Variants in AUTS2 observed in about 807,000 individuals in gnomAD.
AUTS2 encodes activator of transcription and developmental regulator AUTS2.
A neutral mutation model predicts 112.4 loss-of-function variants in AUTS2; 17 were observed. The ratio of observed to expected loss-of-function variants is 0.15; its 90% CI spans 0.10 to 0.23. The LOEUF (loss-of-function observed/expected upper bound fraction) is 0.23. Among genes scored for constraint, AUTS2 ranks in the 10% least tolerant of loss-of-function variants. AUTS2 has a pLI of 1.00. For missense variants in AUTS2, 1,510 were observed against 1,701.6 expected (o/e 0.89, Z 1.98); for synonymous variants, 751 against 702.7 (o/e 1.07, Z -1.09).
chr7:70,418,276 C>T (rs1481077339), intron 4 of AUTS2, among the ~76,000 whole-genome samples: 1 of 152,030 alleles, frequency 6.6e-6, no homozygotes, highest in East Asian at 1.9e-4. Context: ...GCTAGACAAG[C>T]CTAAATAATA....
At chr7:70,568,733 C>T (rs1307451148) in intron 5 of AUTS2, among the ~76,000 whole-genome samples, 4 of 152,230 alleles carry the variant, frequency 2.6e-5, no homozygotes, top group African/African-American at 9.6e-5. Context: ...TCCATGTCCA[C>T]ATCCTTGGCA....
intron 1 of AUTS2, among the ~76,000 whole-genome samples, chr7:69,649,074 C>T (rs913278168): frequency 1.3e-5 from 2 of 152,146 alleles, no homozygotes; most frequent in African/African-American, 4.8e-5. Flanking sequence ...AGTCATTTTC[C>T]ATGGCATTTG....
At chr7:70,384,076 A>G (rs768084787) in intron 4 of AUTS2, among the ~76,000 whole-genome samples, 1 of 152,254 alleles carries the variant, frequency 6.6e-6, no homozygotes, top group Non-Finnish European at 1.5e-5. Context: ...TTTGCTTGTC[A>G]CTGGGAAGTG....
At chr7:70,711,126 AC>A (rs958520939) in intron 6 of AUTS2, among the ~76,000 whole-genome samples, 1 of 151,682 alleles carries the variant, frequency 6.6e-6, no homozygotes, top group African/African-American at 2.4e-5. Context: ...CCAGGGCCTC[AC>A]CCCCCCAGAG....
At position 70,134,572 on chromosome 7, in the gene AUTS2, G is replaced by T; in HGVS notation, c.660+1G>T. 1 of 1,613,444 alleles carries T rather than the reference G, an allele frequency of 6.2e-7. No homozygotes were observed. The highest frequency in any genetic ancestry group is 2.2e-5 in the East Asian group (1 of 44,816). On this transcript the variant is annotated splice_donor_variant, in intron 4 of 18. Transcript: ENST00000342771. LOFTEE classifies it high-confidence loss of function. ...TTCCAGCTTGGGAACAGGCTACTTC[G>T]TAAGTCTATCTCAACTTCCACATAT...
At position 69,844,264 on chromosome 7, in the gene AUTS2, A is replaced by T. The variant is rs570709869; in HGVS notation, c.310-55022A>T. Reference sequence around the variant, plus strand: ...ATGAAATAAGCCTTTCCTTTTTATTATATTGCTGGAGACAGTTTTCATTTT... The same window carrying T: ...ATGAAATAAGCCTTTCCTTTTTATTTTATTGCTGGAGACAGTTTTCATTTT... On this transcript the variant is annotated intron_variant, in intron 1 of 18. Transcript: ENST00000342771. 3.9e-5 allele frequency among the ~76,000 whole-genome samples: 6 copies of T among 152,288 alleles called. No homozygotes were observed. The East Asian group carries it at 1.2e-3, about 29-fold the overall frequency.
chr7:70,455,548 C>A (rs1373150640), intron 5 of AUTS2, among the ~76,000 whole-genome samples: 2 of 152,122 alleles, frequency 1.3e-5, no homozygotes, highest in Non-Finnish European at 2.9e-5. Context: ...GAGGTGGTTC[C>A]CTACCTGGCT....
chr7:70,103,748 A>T (rs1298354188), intron 2 of AUTS2, among the ~76,000 whole-genome samples: 1 of 151,806 alleles, frequency 6.6e-6, no homozygotes, highest in African/African-American at 2.4e-5. Flanking sequence ...TCTACTAAAG[A>T]TACAAAAAAA....
At chr7:70,325,070 T>C (rs890907408) in intron 4 of AUTS2, among the ~76,000 whole-genome samples, 1 of 152,154 alleles carries the variant, frequency 6.6e-6, no homozygotes, top group Non-Finnish European at 1.5e-5. Flanking sequence ...TTTGCCCTTA[T>C]TCCAGTGCTA....
intron 4 of AUTS2, among the ~76,000 whole-genome samples, chr7:70,355,686 G>A (rs894082363): frequency 4.6e-5 from 7 of 152,222 alleles, no homozygotes; most frequent in East Asian, 3.9e-4. Flanking sequence ...GCCCTCCACC[G>A]GGGATCTTTG....
chr7:70,749,909 A>G (rs1304408839), intron 6 of AUTS2, among the ~76,000 whole-genome samples: 2 of 152,174 alleles, frequency 1.3e-5, no homozygotes, highest in Non-Finnish European at 2.9e-5. Flanking sequence ...ATAAAGCTCT[A>G]AAGGAATAGA....
chr7:70,610,058 C>A lies in AUTS2; in HGVS notation c.691-88511C>A, dbSNP rs73445489. On this transcript the variant is annotated intron_variant, in intron 5 of 18. Transcript: ENST00000342771. ...TTAAGTTGGAGTGCAGTGGTGCGAT[C>A]TTGGCATCTTGGCTCACTGCAATCT... Among the ~76,000 whole-genome samples, 1,511 of 152,108 alleles carry A rather than the reference C, an allele frequency of 9.9e-3. 27 individuals carry two copies. The highest frequency in any genetic ancestry group is 0.035 in the African/African-American group (1,450 of 41,460).
intron 5 of AUTS2, among the ~76,000 whole-genome samples, chr7:70,486,074 T>A (rs1482610468): frequency 2.0e-5 from 3 of 152,160 alleles, no homozygotes; most frequent in Non-Finnish European, 2.9e-5. Context: ...ATAAACTGTT[T>A]TGCAAGGGTT....
At chr7:69,862,942 A>G (rs1475687916) in intron 1 of AUTS2, among the ~76,000 whole-genome samples, 1 of 152,134 alleles carries the variant, frequency 6.6e-6, no homozygotes, top group Non-Finnish European at 1.5e-5. Flanking sequence ...TGCTTGGAAA[A>G]ATGCCTCCTG....
At chr7:70,717,095 G>A (rs1585562191) in intron 6 of AUTS2, among the ~76,000 whole-genome samples, 1 of 151,014 alleles carries the variant, frequency 6.6e-6, no homozygotes, top group Non-Finnish European at 1.5e-5. Context: ...GCAGTGGCAC[G>A]GTCATAGCTT....
intron 4 of AUTS2, among the ~76,000 whole-genome samples, chr7:70,204,660 C>T (rs369949395): frequency 2.6e-5 from 4 of 152,104 alleles, no homozygotes; most frequent in African/African-American, 4.8e-5. Context: ...TTTTCCCCCA[C>T]TGTAATGCAT....
chr7:70,579,083 C>T (rs1222310287), intron 5 of AUTS2, among the ~76,000 whole-genome samples: 1 of 150,636 alleles, frequency 6.6e-6, no homozygotes, highest in Non-Finnish European at 1.5e-5. Context: ...CACATGCCAC[C>T]ACACCTGGCT....
chr7:70,772,476 G>C (rs961948799), intron 11 of AUTS2, among the ~76,000 whole-genome samples: 1 of 152,160 alleles, frequency 6.6e-6, no homozygotes, highest in Non-Finnish European at 1.5e-5. Flanking sequence ...TTTCATGTGG[G>C]TAACCATTCT....
At chr7:70,448,929 C>A (rs920917132) in intron 5 of AUTS2, among the ~76,000 whole-genome samples, 1 of 152,178 alleles carries the variant, frequency 6.6e-6, no homozygotes, top group African/African-American at 2.4e-5. Context: ...TCCACCCTTC[C>A]GTATGAAGAG....
Sources: allele counts gnomAD v4.1 joint callset (sites outside exome capture counted in the v4.1 genomes callset), GRCh38; gene constraint gnomAD v4.1.1; transcripts MANE v1.5; gene names NCBI Gene and HGNC (gene_info 2026-07-23, HGNC 2026-07-21).